The following ACVR1C variants were observed in gnomAD, a reference collection of about 807,000 sequenced individuals.
ACVR1C encodes activin receptor type-1C.
A neutral mutation model predicts 57.9 loss-of-function variants in ACVR1C; 23 were observed. The ratio of observed to expected loss-of-function variants is 0.40; its 90% confidence interval spans 0.29 to 0.56. ACVR1C has a LOEUF of 0.56. Among genes scored for constraint, ACVR1C ranks in the 20% least tolerant of loss-of-function variants. The probability of loss-of-function intolerance (pLI) is 0.50; values close to 1 mark genes in which losing one functional copy is unlikely to be tolerated. For missense variants in ACVR1C, 480 were observed against 607.9 expected (o/e 0.79, Z 2.21); for synonymous variants, 214 against 215.3 (o/e 0.99, Z 0.05).
intron 2 of ACVR1C, among the ~76,000 whole-genome samples, chr2:157,560,320 T>G (rs1360278690): frequency 6.6e-6 from 1 of 152,214 alleles, no homozygotes; most frequent in East Asian, 1.9e-4. Flanking sequence ...TTACATGACC[T>G]TCAAATTAAT....
Position 157,555,193 on chromosome 2 carries a change from A to T in ACVR1C, c.544+900T>A, listed in dbSNP as rs995664650. On this transcript the variant is annotated intron_variant, in intron 3 of 8. Coordinates refer to ENST00000243349, the MANE Select transcript of ACVR1C (RefSeq NM_145259.3). ...GACTGCAGTGGCGCAATCTCGGCTC[A>T]CTGCAAGCTCCGCTTCCCGGGTTCA... 3.0e-5 allele frequency among the ~76,000 whole-genome samples: 4 copies of T among 134,016 alleles called. No homozygotes were observed. The South Asian group carries it at 9.0e-4, about 30-fold the overall frequency. 87.9% of individuals were successfully genotyped at this position (134,016 alleles called of 152,430 possible). A position where few individuals can be genotyped will look rare whatever the true frequency, so the allele number is the denominator to read the frequency against.
At chr2:157,540,708 A>G (rs1230981797) in intron 7 of ACVR1C, among the ~76,000 whole-genome samples, 1 of 152,232 alleles carries the variant, frequency 6.6e-6, no homozygotes, top group Non-Finnish European at 1.5e-5. Context: ...ACAGGGAAGA[A>G]AAAAACAAGA....
intron 6 of ACVR1C, 97 bp downstream of exon 6, chr2:157,542,609 T>C: frequency 7.3e-7 from 1 of 1,373,216 alleles, no homozygotes; most frequent in Middle Eastern, 1.9e-4. Flanking sequence ...CCCAGTGGTT[T>C]CCTATTTGGA....
chr2:157,626,868 T>C (rs1461357582), intron 1 of ACVR1C, among the ~76,000 whole-genome samples: 1 of 152,244 alleles, frequency 6.6e-6, no homozygotes, highest in Non-Finnish European at 1.5e-5. Flanking sequence ...AATACATCTC[T>C]ACTATATTAT....
chr2:157,547,199 T>G (rs1687782255), intron 4 of ACVR1C, among the ~76,000 whole-genome samples: 1 of 130,834 alleles, frequency 7.6e-6, no homozygotes, highest in Non-Finnish European at 1.7e-5. Context: ...TGCCACGTTT[T>G]CTTAATCCAG....
chr2:157,556,696 C>T (rs1339187019), intron 2 of ACVR1C, among the ~76,000 whole-genome samples: 4 of 128,368 alleles, frequency 3.1e-5, no homozygotes, highest in Non-Finnish European at 4.7e-5. Context: ...TGGAGTCTCA[C>T]TCGATCACCC....
At chr2:157,580,361 T>C (rs1220934451) in intron 2 of ACVR1C, among the ~76,000 whole-genome samples, 1 of 152,194 alleles carries the variant, frequency 6.6e-6, no homozygotes, top group Non-Finnish European at 1.5e-5. Context: ...TCTAAATTTT[T>C]CTCTGACATT....
At chr2:157,607,233 A>G (rs890690043) in intron 1 of ACVR1C, among the ~76,000 whole-genome samples, 1 of 151,918 alleles carries the variant, frequency 6.6e-6, no homozygotes, top group African/African-American at 2.4e-5. Flanking sequence ...TATGTTTTGA[A>G]GTCAGTTAGG....
chr2:157,587,773 A>T (rs1688961237), intron 1 of ACVR1C, among the ~76,000 whole-genome samples: 1 of 152,052 alleles, frequency 6.6e-6, no homozygotes, highest in African/African-American at 2.4e-5. Flanking sequence ...AACCAAGGGG[A>T]GCTGTCCAGC....
At position 157,562,408 on chromosome 2, in the gene ACVR1C, A is replaced by G. The variant is rs1433903119; in HGVS notation, c.305-6076T>C. 3.4e-5 allele frequency among the ~76,000 whole-genome samples: 5 copies of G among 146,950 alleles called. No individual in the cohort carries two copies. The South Asian group carries it at 8.4e-4, about 25-fold the overall frequency. On this transcript the variant is annotated intron_variant, in intron 2 of 8. Transcript: ENST00000243349. The stretch of plus-strand genomic sequence containing the variant: ...AGGAAGAAGCTGAATCCCTGAATAG[A>G]CCAATAACAAGTTGTGAAATTGAGG...
chr2:157,540,459 T>G (rs1196837968), intron 7 of ACVR1C, among the ~76,000 whole-genome samples: 1 of 151,946 alleles, frequency 6.6e-6, no homozygotes, highest in Non-Finnish European at 1.5e-5. Flanking sequence ...CCGGCATGCC[T>G]GGCTAATTTT....
At chr2:157,562,453 A>C (rs891891839) in intron 2 of ACVR1C, among the ~76,000 whole-genome samples, 1 of 136,902 alleles carries the variant, frequency 7.3e-6, no homozygotes, top group African/African-American at 2.7e-5. Flanking sequence ...ACAGCCTACC[A>C]ACCAAAAAAA....
In ACVR1C at chr2:157,531,365, TAAAC is replaced by T. The variant is rs1233632582; in HGVS notation, c.*2549_*2552del. 6.6e-6 allele frequency: 1 copy of T among 152,012 alleles called. No homozygotes were observed. Among genetic ancestry groups the T allele is most frequent in the African/African-American group, 2.4e-5 (1 of 41,424 alleles). 9.4% of individuals were successfully genotyped at this position (152,012 alleles called of 1,614,324 possible). A position where few individuals can be genotyped will look rare whatever the true frequency, so the allele number is the denominator to read the frequency against. ...AGACTACTCAGTTAGGAGTCATAGTTAAACAACACAAGAACAAGAAAAATACCTC... is the reference window on the plus strand; with the variant it reads ...AGACTACTCAGTTAGGAGTCATAGTTAACACAAGAACAAGAAAAATACCTC... On this transcript the variant is annotated 3_prime_UTR_variant, in exon 9 of 9. Coordinates refer to ENST00000243349, the MANE Select transcript of ACVR1C (RefSeq NM_145259.3).
At position 157,587,240 on chromosome 2, in the gene ACVR1C, G is replaced by T; in HGVS notation, c.251C>A (p.Thr84Asn). 1 of 1,613,708 alleles carries T rather than the reference G, an allele frequency of 6.2e-7. No homozygotes were observed. Among genetic ancestry groups the T allele is most frequent in the Non-Finnish European group, 8.5e-7 (1 of 1,179,672 alleles). Residue 84 changes from threonine (T) to asparagine (N), a missense_variant, in exon 2 of 9, where the codon ACC (threonine) becomes AAC (asparagine). Transcript: ENST00000243349. The part of the protein sequence containing the change: ...FCHSSNNVTK[T>N]ECCFTDFCNN... Reference sequence around the variant, plus strand: ...GCAAAAATCTGTGAAGCAGCATTCGGTTTTGGTAACATTGTTGGAACTATG... The same window carrying T: ...GCAAAAATCTGTGAAGCAGCATTCGTTTTTGGTAACATTGTTGGAACTATG...
intron 3 of ACVR1C, among the ~76,000 whole-genome samples, chr2:157,554,739 T>C (rs985432776): frequency 6.6e-6 from 1 of 152,182 alleles, no homozygotes; most frequent in East Asian, 1.9e-4. Context: ...TGTTAATTGT[T>C]ACTGCCTGGA....
intron 1 of ACVR1C, among the ~76,000 whole-genome samples, chr2:157,596,727 C>T (rs1331098124): frequency 1.3e-5 from 2 of 152,140 alleles, no homozygotes; most frequent in Non-Finnish European, 2.9e-5. Context: ...ATCTCCTTGA[C>T]AGTAGTAAAT....
chr2:157,576,226 C>T (rs1400050421), intron 2 of ACVR1C, among the ~76,000 whole-genome samples: 3 of 36,096 alleles, frequency 8.3e-5, no homozygotes, highest in Admixed American at 3.3e-4. Flanking sequence ...TTTTTTTTGG[C>T]GACGGAGTCT....
chr2:157,538,770 T>C, intron 7 of ACVR1C, 67 bp from the exon 8 acceptor site: 1 of 1,331,300 alleles, frequency 7.5e-7, no homozygotes, highest in Non-Finnish European at 9.8e-7. Context: ...TTTTAAATAA[T>C]ACCAATTAAG....
intron 2 of ACVR1C, among the ~76,000 whole-genome samples, chr2:157,563,089 T>C (rs560941329): frequency 6.6e-6 from 1 of 152,316 alleles, no homozygotes; most frequent in South Asian, 2.1e-4. Flanking sequence ...TCACCAGTCT[T>C]ATTGAACATA....
Sources: allele counts gnomAD v4.1 joint callset (sites outside exome capture counted in the v4.1 genomes callset), GRCh38; gene constraint gnomAD v4.1.1; transcripts MANE v1.5; gene names NCBI Gene and HGNC (gene_info 2026-07-23, HGNC 2026-07-21).